The following NCOA2 variants were observed in gnomAD, a reference collection of about 807,000 sequenced individuals.
NCOA2 encodes the protein class E basic helix-loop-helix protein 75.
Under a neutral mutation model 145.1 loss-of-function variants are expected in NCOA2, and 21 were observed. The ratio of observed to expected loss-of-function variants is 0.14; its 90% CI spans 0.10 to 0.21. The LOEUF (loss-of-function observed/expected upper bound fraction) is 0.21, where lower values mean the gene tolerates loss of function less well. Among genes scored for constraint, NCOA2 ranks in the 10% least tolerant of loss-of-function variants. The pLI, the probability that NCOA2 is intolerant of heterozygous loss-of-function variation, is 1.00. For missense variants in NCOA2, 1,472 were observed against 1,837.6 expected (o/e 0.80, Z 3.64); for synonymous variants, 619 against 637.5 (o/e 0.97, Z 0.44).
the NCOA2 span, among the ~76,000 whole-genome samples, chr8:70,446,828 C>A: frequency 6.6e-6 from 1 of 152,062 alleles, no homozygotes; most frequent in Non-Finnish European, 1.5e-5. Flanking sequence ...TTTAACACAA[C>A]CTTTGTCCTT....
At chr8:70,258,766 CAT>C (rs1364049357) in intron 2 of NCOA2, among the ~76,000 whole-genome samples, 1 of 152,196 alleles carries the variant, frequency 6.6e-6, no homozygotes, top group African/African-American at 2.4e-5. Context: ...ACAATTCCCT[CAT>C]GTGTAACATG....
the NCOA2 span, among the ~76,000 whole-genome samples, chr8:70,455,673 A>ATTT: frequency 5.9e-3 from 813 of 138,740 alleles, 9 homozygotes; most frequent in African/African-American, 0.02. Context: ...CGAGTCCTTC[A>ATTT]TTTTTTTTTT....
At chr8:70,238,811 G>A (rs1821875236) in intron 2 of NCOA2, among the ~76,000 whole-genome samples, 1 of 152,096 alleles carries the variant, frequency 6.6e-6, no homozygotes, top group South Asian at 2.1e-4. Flanking sequence ...ATAACCAACA[G>A]CAAATATGGT....
chr8:70,309,252 T>TCCA (rs1828121501), intron 1 of NCOA2, among the ~76,000 whole-genome samples: 1 of 152,036 alleles, frequency 6.6e-6, no homozygotes, highest in South Asian at 2.1e-4. Context: ...TTGTGCCCTG[T>TCCA]CCAAATTCCT....
the NCOA2 span, among the ~76,000 whole-genome samples, chr8:70,448,111 T>G: frequency 6.6e-6 from 1 of 152,142 alleles, no homozygotes; most frequent in Non-Finnish European, 1.5e-5. Context: ...TTTTTTTTCT[T>G]GGAGCTTATA....
intron 4 of NCOA2, among the ~76,000 whole-genome samples, chr8:70,176,283 C>T (rs1481535509): frequency 2.0e-5 from 3 of 152,310 alleles, no homozygotes; most frequent in East Asian, 1.9e-4. Context: ...TATCAACTCT[C>T]TAATATATTC....
intron 1 of NCOA2, chr8:70,402,699 T>G (rs1432827361): frequency 6.6e-6 from 1 of 151,636 alleles, no homozygotes; most frequent in Non-Finnish European, 1.5e-5. Flanking sequence ...CGAGGGCCTG[T>G]CCCTTCAGGG....
chr8:70,173,782 C>T (rs1256578445), intron 5 of NCOA2, among the ~76,000 whole-genome samples: 1 of 151,868 alleles, frequency 6.6e-6, no homozygotes, highest in Non-Finnish European at 1.5e-5. Context: ...CTCCGCCCTG[C>T]CCCCAATTTT....
chr8:70,402,563 G>C (rs1012003375), intron 1 of NCOA2: 8 of 152,096 alleles, frequency 5.3e-5, no homozygotes, highest in African/African-American at 1.4e-4. Context: ...GAGCGCAGCC[G>C]GCAGCGACGA....
At chr8:70,289,581 G>A (rs74629960) in intron 2 of NCOA2, among the ~76,000 whole-genome samples, 96 of 152,164 alleles carry the variant, frequency 6.3e-4, no homozygotes, top group African/African-American at 2.2e-3. Flanking sequence ...TGACACTAAT[G>A]TGTGACTTCT....
intron 2 of NCOA2, among the ~76,000 whole-genome samples, chr8:70,247,628 T>C (rs556657389): frequency 1.3e-5 from 2 of 152,326 alleles, no homozygotes; most frequent in Middle Eastern, 3.4e-3. Flanking sequence ...TCTACCCAAA[T>C]GTGTTCTTTT....
chr8:70,444,544 C>T, the NCOA2 span, among the ~76,000 whole-genome samples: 1 of 152,118 alleles, frequency 6.6e-6, no homozygotes, highest in East Asian at 1.9e-4. Context: ...AATAAGATTG[C>T]TGGACTGCAT....
At chr8:70,143,671 C>T (rs910562273) in intron 13 of NCOA2, among the ~76,000 whole-genome samples, 4 of 152,148 alleles carry the variant, frequency 2.6e-5, no homozygotes, top group Admixed American at 6.5e-5. Context: ...TCTACTTCTT[C>T]CCCTTAAATT....
At chr8:70,167,382 G>A (rs911983708) in intron 6 of NCOA2, among the ~76,000 whole-genome samples, 3 of 152,146 alleles carry the variant, frequency 2.0e-5, no homozygotes, top group African/African-American at 7.2e-5. Context: ...GGGCCCGCAT[G>A]GATGTCCTTG....
intron 2 of NCOA2, among the ~76,000 whole-genome samples, chr8:70,280,732 A>G (rs1176206295): frequency 6.6e-6 from 1 of 150,728 alleles, no homozygotes; most frequent in Non-Finnish European, 1.5e-5. Flanking sequence ...AATAATCAGA[A>G]AATTGGAGTC....
intron 2 of NCOA2, among the ~76,000 whole-genome samples, chr8:70,256,435 T>C (rs1823638898): frequency 6.6e-6 from 1 of 152,192 alleles, no homozygotes; most frequent in South Asian, 2.1e-4. Context: ...ACAGCTGCCT[T>C]ACCCAGTCAG....
intron 2 of NCOA2, among the ~76,000 whole-genome samples, chr8:70,231,207 T>G (rs1821100283): frequency 6.6e-6 from 1 of 152,256 alleles, no homozygotes; most frequent in East Asian, 1.9e-4. Context: ...TTCTCACAAT[T>G]CACAACGAGT....
chr8:70,128,337 T>C (rs1461476671), intron 18 of NCOA2, 96 bp downstream of exon 18: 67 of 1,028,434 alleles, frequency 6.5e-5, no homozygotes, highest in Non-Finnish European at 9.1e-5. Context: ...CTGATCTGGA[T>C]CCACGTCTAC....
At chr8:70,241,707 A>C (rs1042179428) in intron 2 of NCOA2, among the ~76,000 whole-genome samples, 2 of 152,032 alleles carry the variant, frequency 1.3e-5, no homozygotes, top group Non-Finnish European at 2.9e-5. Context: ...TGCACCACTG[A>C]CTCATTAGCT....
Sources: allele counts gnomAD v4.1 joint callset (sites outside exome capture counted in the v4.1 genomes callset), GRCh38; gene constraint gnomAD v4.1.1; transcripts MANE v1.5; gene names NCBI Gene and HGNC (gene_info 2026-07-23, HGNC 2026-07-21).